The following TMEM135 variants were observed in gnomAD, a reference collection of about 807,000 sequenced individuals.
TMEM135 encodes transmembrane protein 135.
Under a neutral mutation model 60.3 loss-of-function variants are expected in TMEM135, and 30 were observed. That is an observed-to-expected ratio of 0.50 (90% confidence interval 0.37 to 0.68). The LOEUF is 0.68. Among genes scored for constraint, TMEM135 ranks in the 30% least tolerant of loss-of-function variants. The pLI is 0.00. For missense variants in TMEM135, 468 were observed against 548.8 expected (o/e 0.85, Z 1.47); for synonymous variants, 190 against 186.7 (o/e 1.02, Z -0.14).
intron 5 of TMEM135, 69 bp downstream of exon 5, chr11:87,157,475 T>G: frequency 3.1e-6 from 4 of 1,308,850 alleles, no homozygotes; most frequent in Non-Finnish European, 4.4e-6. Flanking sequence ...ATATAAAATG[T>G]GATGAAATCT....
chr11:87,176,140 T>A (rs1159925135), intron 5 of TMEM135, among the ~76,000 whole-genome samples: 1 of 152,122 alleles, frequency 6.6e-6, no homozygotes, highest in Non-Finnish European at 1.5e-5. Flanking sequence ...TGGGGCCTAA[T>A]GGGAGGTGTT....
intron 5 of TMEM135, among the ~76,000 whole-genome samples, chr11:87,198,548 TCCCTCCCCTCTC>T (rs1237180357): frequency 1.9e-5 from 2 of 103,222 alleles, no homozygotes; most frequent in Admixed American, 1.3e-4. Context: ...CCTTCCCTCC[TCCCTCCCCTCTC>T]CCCTCCCCTC....
chr11:87,206,477 A>G (rs537442752), intron 5 of TMEM135, among the ~76,000 whole-genome samples: 1 of 152,286 alleles, frequency 6.6e-6, no homozygotes, highest in Non-Finnish European at 1.5e-5. Flanking sequence ...AATTACTTCC[A>G]TAATTGTTCA....
In TMEM135 at chr11:87,326,495, T is replaced by G. The variant is rs1476675400; in HGVS notation, c.*5162T>G. On this transcript the variant is annotated 3_prime_UTR_variant, in exon 15 of 15. Transcript: ENST00000305494. ...ACCTAAGAGGACCCTGAAGCTATAG[T>G]GCCAAAGGTTTAAAGCATGAAGTAC... 2.2e-6 allele frequency: 1 copy of G among 453,986 alleles called. No individual in the cohort carries two copies. The highest frequency in any genetic ancestry group is 4.4e-6 in the Non-Finnish European group (1 of 226,774). 28.1% of individuals were successfully genotyped at this position (453,986 alleles called of 1,614,324 possible). A position where few individuals can be genotyped will look rare whatever the true frequency, so the allele number is the denominator to read the frequency against.
At chr11:87,274,913 A>T (rs1257894283) in intron 6 of TMEM135, among the ~76,000 whole-genome samples, 3 of 150,186 alleles carry the variant, frequency 2.0e-5, no homozygotes, top group Admixed American at 6.7e-5. Context: ...TATTAAGTTA[A>T]CTGGTTTCTG....
intron 3 of TMEM135, 129 bp downstream of exon 3, chr11:87,071,744 A>G (rs1212546722): frequency 3.8e-6 from 2 of 522,700 alleles, no homozygotes; most frequent in Non-Finnish European, 6.6e-6. Flanking sequence ...GGTTCTGCAG[A>G]TATTTAATTG....
At chr11:87,297,118 G>A (rs997640335) in intron 7 of TMEM135, among the ~76,000 whole-genome samples, 12 of 152,126 alleles carry the variant, frequency 7.9e-5, no homozygotes, top group Non-Finnish European at 1.8e-4. Flanking sequence ...AGACAATAAA[G>A]ACTAGAATTT....
At chr11:87,149,757 CT>C (rs1372226062) in intron 4 of TMEM135, among the ~76,000 whole-genome samples, 2 of 152,204 alleles carry the variant, frequency 1.3e-5, no homozygotes, top group South Asian at 2.1e-4. Flanking sequence ...TATTGTCAAA[CT>C]TTTCACATTT....
chr11:87,157,069 C>CTTT (rs1354998761), intron 4 of TMEM135, among the ~76,000 whole-genome samples: 1 of 122,396 alleles, frequency 8.2e-6, no homozygotes, highest in African/African-American at 3.2e-5. Flanking sequence ...TTCTTTCTTT[C>CTTT]TTTTGTTTTT....
chr11:87,283,160 C>A (rs958497528), intron 6 of TMEM135, among the ~76,000 whole-genome samples: 4 of 151,586 alleles, frequency 2.6e-5, no homozygotes, highest in Non-Finnish European at 4.4e-5. Context: ...CATGGTGAAA[C>A]CCTGTCTCTA....
intron 3 of TMEM135, among the ~76,000 whole-genome samples, chr11:87,083,274 A>G (rs993362511): frequency 3.3e-5 from 5 of 152,174 alleles, no homozygotes; most frequent in Non-Finnish European, 5.9e-5. Flanking sequence ...AGTAGGAAGC[A>G]TTGGTAACAT....
intron 5 of TMEM135, among the ~76,000 whole-genome samples, chr11:87,228,620 G>A (rs765965208): frequency 6.6e-6 from 1 of 152,126 alleles, no homozygotes; most frequent in Non-Finnish European, 1.5e-5. Flanking sequence ...AAGCACCAAT[G>A]TCTTTGGAGA....
intron 1 of TMEM135, among the ~76,000 whole-genome samples, chr11:87,047,794 C>G (rs192290665): frequency 0.011 from 1,178 of 107,560 alleles, 3 homozygotes; most frequent in Middle Eastern, 0.014. Context: ...CGGGAAGCTC[C>G]AACTGGGTGG....
At chr11:87,300,355 G>T (rs1011825535) in intron 7 of TMEM135, among the ~76,000 whole-genome samples, 27 of 152,340 alleles carry the variant, frequency 1.8e-4, no homozygotes, top group Admixed American at 1.6e-3. Context: ...AAAAGCCAGT[G>T]TGAGACTCTG....
chr11:87,152,952 G>A (rs1435044101), intron 4 of TMEM135, among the ~76,000 whole-genome samples: 1 of 152,010 alleles, frequency 6.6e-6, no homozygotes, highest in Non-Finnish European at 1.5e-5. Flanking sequence ...ATATCTGTTA[G>A]GCATCTTTTT....
intron 4 of TMEM135, among the ~76,000 whole-genome samples, chr11:87,104,163 C>A (rs997408884): frequency 1.3e-5 from 2 of 152,098 alleles, no homozygotes; most frequent in African/African-American, 4.8e-5. Flanking sequence ...ATCCAGTTTT[C>A]CTAACGCCGT....
rs1044679678 is a variant in TMEM135, at chr11:87,328,475, G to T, written c.*7142G>T. On this transcript the variant is annotated 3_prime_UTR_variant, in exon 15 of 15. Transcript: ENST00000305494. ...ACCTGTCACCAGAATAGTGTGCATTGTACCCAATATATAGCTTTTTATTCC... is the reference window on the plus strand; with the variant it reads ...ACCTGTCACCAGAATAGTGTGCATTTTACCCAATATATAGCTTTTTATTCC... 4.4e-6 allele frequency: 2 copies of T among 453,942 alleles called. No homozygotes were observed. The highest frequency in any genetic ancestry group is 8.8e-6 in the Non-Finnish European group (2 of 226,784). The allele number at this position is 453,942 out of a possible 1,614,324, so 28.1% of individuals were successfully genotyped here. A position where few individuals can be genotyped will look rare whatever the true frequency, so the allele number is the denominator to read the frequency against.
chr11:87,134,219 C>G (rs779927669), intron 4 of TMEM135, among the ~76,000 whole-genome samples: 4 of 152,048 alleles, frequency 2.6e-5, no homozygotes, highest in Non-Finnish European at 5.9e-5. Flanking sequence ...TCTCCCTGTG[C>G]CTTCATATGG....
chr11:87,203,685 G>A (rs1050328368), intron 5 of TMEM135, among the ~76,000 whole-genome samples: 1 of 152,168 alleles, frequency 6.6e-6, no homozygotes, highest in East Asian at 1.9e-4. Context: ...GCTGGTTTTT[G>A]TGTAGACATA....
Sources: gnomAD v4.1 joint callset for allele counts (sites outside exome capture counted in the v4.1 genomes callset) on GRCh38, gnomAD v4.1.1 for gene constraint, MANE v1.5 for transcripts, NCBI Gene and HGNC (gene_info 2026-07-23, HGNC 2026-07-21) for gene names.